NR2F1-AS1: variants seen among roughly 807,000 people sequenced by gnomAD.
NR2F1-AS1 encodes the protein NR2F1 regulatory antisense RNA 1.
chr5:93,521,190 C>T (rs1023120687), intron 4 of NR2F1-AS1, among the ~76,000 whole-genome samples: 2 of 152,142 alleles, frequency 1.3e-5, no homozygotes, highest in African/African-American at 4.8e-5. Context: ...AGCTGGACCC[C>T]TTCCTTACAC....
rs191679623 is a variant in NR2F1-AS1, at chr5:93,425,054, T to C, written n.639-29512A>G. 1.0e-3 allele frequency among the ~76,000 whole-genome samples: 155 copies of C among 152,340 alleles called. 1 individual carries two copies. The highest frequency in any genetic ancestry group is 1.4e-3 in the Non-Finnish European group (93 of 68,020). Reference sequence around the variant, plus strand: ...TATAAATTCTGTGTATCAGCTTTGCTGAAAAACAAAACACCCTAAATTTAC... The same window carrying C: ...TATAAATTCTGTGTATCAGCTTTGCCGAAAAACAAAACACCCTAAATTTAC... On this transcript the variant is annotated intron_variant and non_coding_transcript_variant, in intron 4 of 5. Coordinates refer to ENST00000660523, the Ensembl canonical transcript of NR2F1-AS1.
upstream of NR2F1-AS1, among the ~76,000 whole-genome samples, chr5:93,581,975 C>T (rs1753099209): frequency 9.8e-6 from 1 of 102,240 alleles, no homozygotes; most frequent in Non-Finnish European, 2.1e-5. Flanking sequence ...CTCTCTCTCT[C>T]CTCTCTCTCT....
chr5:93,412,602 C>G (rs1266855179), intron 4 of NR2F1-AS1, among the ~76,000 whole-genome samples: 2 of 152,236 alleles, frequency 1.3e-5, no homozygotes, highest in Admixed American at 1.3e-4. Flanking sequence ...ATCCTCAGAG[C>G]TGGCATCTGC....
intron 4 of NR2F1-AS1, among the ~76,000 whole-genome samples, chr5:93,419,434 C>T (rs1040249069): frequency 7.9e-5 from 12 of 152,160 alleles, no homozygotes; most frequent in Admixed American, 6.5e-4. Flanking sequence ...TGGCGTGCAC[C>T]TGCAGTCCCA....
intron 4 of NR2F1-AS1, among the ~76,000 whole-genome samples, chr5:93,509,790 GTTTTA>G (rs1388060539): frequency 6.6e-6 from 1 of 151,704 alleles, no homozygotes; most frequent in Non-Finnish European, 1.5e-5. Flanking sequence ...TATTTTAAAT[GTTTTA>G]TTTTCATTTC....
intron 4 of NR2F1-AS1, among the ~76,000 whole-genome samples, chr5:93,478,970 T>C (rs868657190): frequency 1.3e-5 from 2 of 152,168 alleles, no homozygotes; most frequent in Non-Finnish European, 2.9e-5. Context: ...GATCAATCCC[T>C]TTACCAAAAC....
intron 4 of NR2F1-AS1, among the ~76,000 whole-genome samples, chr5:93,486,864 C>T (rs1293179840): frequency 6.6e-6 from 1 of 152,170 alleles, no homozygotes; most frequent in Non-Finnish European, 1.5e-5. Flanking sequence ...TAATGGCAAA[C>T]CGAATCTAGC....
intron 1 of NR2F1-AS1, chr5:93,570,949 C>T (rs1219896043): frequency 1.3e-5 from 2 of 152,238 alleles, no homozygotes; most frequent in African/African-American, 2.4e-5. Flanking sequence ...TACAAGGGAT[C>T]CCAGTCCGCA....
intron 4 of NR2F1-AS1, among the ~76,000 whole-genome samples, chr5:93,449,184 C>T (rs1434201590): frequency 6.6e-6 from 1 of 151,974 alleles, no homozygotes; most frequent in Non-Finnish European, 1.5e-5. Context: ...AATATATAAA[C>T]AAGTTTATAT....
intron 4 of NR2F1-AS1, among the ~76,000 whole-genome samples, chr5:93,430,768 A>G (rs1749295164): frequency 6.6e-6 from 1 of 152,130 alleles, no homozygotes; most frequent in Non-Finnish European, 1.5e-5. Flanking sequence ...ACCAAAGCTT[A>G]GTGAACTGAA....
intron 4 of NR2F1-AS1, among the ~76,000 whole-genome samples, chr5:93,529,993 A>T (rs1381983543): frequency 3.3e-5 from 5 of 152,124 alleles, no homozygotes; most frequent in Admixed American, 3.3e-4. Flanking sequence ...AGAAGTCATA[A>T]AAGACAGACT....
At chr5:93,561,735 T>A (rs1489894112) in intron 2 of NR2F1-AS1, among the ~76,000 whole-genome samples, 1 of 151,808 alleles carries the variant, frequency 6.6e-6, no homozygotes, top group Admixed American at 6.6e-5. Flanking sequence ...TTGACACCAC[T>A]GCACTCCAGC....
At chr5:93,480,528 TA>T (rs535637614) in intron 4 of NR2F1-AS1, among the ~76,000 whole-genome samples, 2 of 152,120 alleles carry the variant, frequency 1.3e-5, no homozygotes, top group Non-Finnish European at 2.9e-5. Flanking sequence ...AAAATGATAC[TA>T]AACAGTAACT....
chr5:93,568,859 C>T (rs1019172723), intron 1 of NR2F1-AS1, among the ~76,000 whole-genome samples: 2 of 152,016 alleles, frequency 1.3e-5, no homozygotes, highest in African/African-American at 4.8e-5. Flanking sequence ...TAGGGGAGAA[C>T]GAGAGGAACA....
intron 4 of NR2F1-AS1, among the ~76,000 whole-genome samples, chr5:93,495,552 A>T (rs929198954): frequency 4.6e-5 from 7 of 152,148 alleles, no homozygotes; most frequent in Non-Finnish European, 1.0e-4. Flanking sequence ...AAGACAAATG[A>T]CCAGGTTTTA....
chr5:93,421,933 G>A (rs1428562823), intron 4 of NR2F1-AS1, among the ~76,000 whole-genome samples: 1 of 152,144 alleles, frequency 6.6e-6, no homozygotes. Context: ...TTAAATTACG[G>A]CTTTCAGAAG....
chr5:93,481,880 T>C (rs1299983713), intron 4 of NR2F1-AS1, among the ~76,000 whole-genome samples: 1 of 151,974 alleles, frequency 6.6e-6, no homozygotes, highest in Non-Finnish European at 1.5e-5. Flanking sequence ...AAGCACAACA[T>C]ACCAAAATGT....
intron 4 of NR2F1-AS1, among the ~76,000 whole-genome samples, chr5:93,439,342 G>A (rs977429432): frequency 2.6e-5 from 4 of 152,216 alleles, no homozygotes; most frequent in Non-Finnish European, 5.9e-5. Context: ...CACCCAGGCT[G>A]GAGTGGAGTG....
intron 4 of NR2F1-AS1, among the ~76,000 whole-genome samples, chr5:93,421,366 T>TAA (rs34159028): frequency 2.1e-5 from 3 of 141,704 alleles, no homozygotes; most frequent in African/African-American, 7.7e-5. Flanking sequence ...TCTTTTGAGT[T>TAA]AAAAAAAAAA....
Sources: gnomAD v4.1 joint callset for allele counts (sites outside exome capture counted in the v4.1 genomes callset) on GRCh38, gnomAD v4.1.1 for gene constraint, MANE v1.5 for transcripts, NCBI Gene and HGNC (gene_info 2026-07-23, HGNC 2026-07-21) for gene names.